The following C1QTNF5 variants were observed in gnomAD, a reference collection of about 807,000 sequenced individuals.
C1QTNF5 encodes the protein complement C1q tumor necrosis factor-related protein 5.
In C1QTNF5, 5 loss-of-function variants were observed where a neutral mutation model predicts 10.9. The observed-to-expected ratio is 0.46, with a 90% CI of 0.24 to 0.97. The LOEUF (loss-of-function observed/expected upper bound fraction) is 0.97, where lower values mean the gene tolerates loss of function less well. C1QTNF5 is among the 50% of genes least tolerant of loss of function. C1QTNF5 has a pLI of 0.19. For missense variants in C1QTNF5, 281 were observed against 339.4 expected (o/e 0.83, Z 1.35); for synonymous variants, 161 against 156.5 (o/e 1.03, Z -0.22).
chr11:119,344,087 G>T, upstream of C1QTNF5: 1 of 1,329,398 alleles, frequency 7.5e-7, no homozygotes, highest in Non-Finnish European at 1.1e-6. Context: ...ATCATTGGTG[G>T]TTCTTAAGGA....
chr11:119,340,700 C>T lies in C1QTNF5; in HGVS notation c.-49G>A, dbSNP rs565257458. On this transcript the variant is annotated 5_prime_UTR_variant, in exon 1 of 3. Transcript: ENST00000528368. ...CCCTCCTCCGCCAGACTCACCCCCC[C>T]TCCCGGCTCCCCGATGGCCTCCTTC... The T allele has an allele frequency of 3.0e-5, 13 of 429,584 alleles. 1 individual carries two copies. Among genetic ancestry groups the T allele is most frequent in the South Asian group, 8.1e-5 (3 of 37,018 alleles). 26.6% of individuals were successfully genotyped at this position (429,584 alleles called of 1,614,324 possible). A position where few individuals can be genotyped will look rare whatever the true frequency, so the allele number is the denominator to read the frequency against.
At chr11:119,344,867 C>T, upstream of C1QTNF5, 2 of 1,613,274 alleles carry the variant, frequency 1.2e-6, no homozygotes, top group Non-Finnish European at 1.7e-6. Flanking sequence ...GGTGGGAACA[C>T]ACTCACCGCG....
upstream of C1QTNF5, among the ~76,000 whole-genome samples, chr11:119,345,245 G>A (rs1410897811): frequency 5.3e-5 from 8 of 152,226 alleles, no homozygotes; most frequent in Admixed American, 2.6e-4. Context: ...AAACAGGTGA[G>A]AGAGGGGAAG....
At chr11:119,346,647 C>T in the C1QTNF5 span, 1 of 877,884 alleles carries the variant, frequency 1.1e-6, no homozygotes, top group South Asian at 1.4e-5. Flanking sequence ...CAGGCTAGAC[C>T]AGTTCTTGGG....
At chr11:119,345,025 G>A (rs1218729973), upstream of C1QTNF5, 3 of 1,596,112 alleles carry the variant, frequency 1.9e-6, no homozygotes, top group East Asian at 4.5e-5. Flanking sequence ...CCAGGTTGGG[G>A]GTGAGGGAGG....
At chr11:119,345,282 G>A (rs903700220), upstream of C1QTNF5, 4 of 904,640 alleles carry the variant, frequency 4.4e-6, no homozygotes, top group Non-Finnish European at 6.9e-6. Flanking sequence ...ACACAGCAAG[G>A]TGGTGGCAGA....
upstream of C1QTNF5, chr11:119,345,778 T>C (rs575618592): frequency 2.5e-6 from 4 of 1,613,582 alleles, no homozygotes; most frequent in South Asian, 2.2e-5. Flanking sequence ...CTCACTGGAC[T>C]GTGGGGAGGG....
rs1355527705 is a variant in C1QTNF5, at chr11:119,340,360, G to T, written c.38C>A (p.Ala13Glu). ...PLLVLLLLGLAAGSPPLDDNK... is the reference protein window; with the variant it reads ...PLLVLLLLGLEAGSPPLDDNK... The stretch of plus-strand genomic sequence containing the variant: ...GTCGTCCAGTGGGGGCGAGCCGGCC[G>T]CCAGGCCCAGGAGCAGCAGGACGAG... The change falls in exon 2 of 3, where the codon GCG (alanine) becomes GAG (glutamate). Residue 13 changes from alanine to glutamate, a missense_variant. Physicochemically the swap from Ala to Glu is moderately radical, Grantham distance 107. Transcript: ENST00000528368. The T allele has an allele frequency of 2.6e-6, 4 of 1,543,680 alleles. No individual in the cohort carries two copies. Among genetic ancestry groups the T allele is most frequent in the African/African-American group, 1.4e-5 (1 of 72,390 alleles).
At chr11:119,343,812 G>A (rs369064289), upstream of C1QTNF5, 2 of 1,613,760 alleles carry the variant, frequency 1.2e-6, no homozygotes, top group African/African-American at 2.7e-5. Context: ...CCTGGCTCCT[G>A]TACCTGCCCA....
upstream of C1QTNF5, chr11:119,344,266 G>C: frequency 6.5e-7 from 1 of 1,544,004 alleles, no homozygotes; most frequent in Non-Finnish European, 9.0e-7. Flanking sequence ...TTGGGGATCA[G>C]GTGCTTCCGT....
chr11:119,343,759 C>T (rs767092949), upstream of C1QTNF5: 320 of 1,607,580 alleles, frequency 2.0e-4, no homozygotes, highest in East Asian at 5.8e-4. Context: ...ACATGGAAGC[C>T]GGGGGTGGCA....
chr11:119,342,446 C>G, upstream of C1QTNF5: 1 of 978,840 alleles, frequency 1.0e-6, no homozygotes. Context: ...TCTTCCAGGA[C>G]TCTGTGAAGT....
At chr11:119,346,174 G>A in the C1QTNF5 span, 2 of 1,577,686 alleles carry the variant, frequency 1.3e-6, no homozygotes, top group African/African-American at 1.3e-5. Context: ...GGGTTGGCAG[G>A]TGGGGTTTTG....
chr11:119,344,873 C>A, upstream of C1QTNF5: 1 of 1,613,272 alleles, frequency 6.2e-7, no homozygotes. Context: ...AACACACTCA[C>A]CGCGCCCAGG....
chr11:119,343,179 C>T (rs757045127), upstream of C1QTNF5, among the ~76,000 whole-genome samples: 2 of 152,234 alleles, frequency 1.3e-5, no homozygotes, highest in Admixed American at 6.5e-5. Flanking sequence ...AAGCATTAAA[C>T]AAACTGTCTG....
At chr11:119,341,807 C>A, upstream of C1QTNF5, 1 of 1,613,516 alleles carries the variant, frequency 6.2e-7, no homozygotes. Context: ...GCACCTGCTC[C>A]CAGGCTCCTC....
chr11:119,340,265 C>T lies in C1QTNF5; in HGVS notation c.133G>A (p.Gly45Ser), dbSNP rs1950488484. Residue 45 changes from glycine (G) to serine (S), a missense_variant, in exon 2 of 3, where the codon GGC becomes AGC. By Grantham distance (56) the Gly-to-Ser change is moderately conservative (BLOSUM62 0). Transcript: ENST00000528368. ...TCGCGGCCATCGCGGCCCGGCAAGC[C>T]CTGGCTGCCATGGTGGCCCGGCGTG... is the stretch of plus-strand genomic sequence containing the variant. ...PGTPGHHGSQ[G>S]LPGRDGRDGR... The T allele has an allele frequency of 2.0e-6, 3 of 1,526,612 alleles. No homozygotes were observed. The African/African-American group carries it at 4.3e-5, about 22-fold the overall frequency. 94.6% of individuals were successfully genotyped at this position (1,526,612 alleles called of 1,614,324 possible). A position where few individuals can be genotyped will look rare whatever the true frequency, so the allele number is the denominator to read the frequency against.
In C1QTNF5 at chr11:119,340,337, C is replaced by A. The variant is rs1178933033; in HGVS notation, c.61G>T (p.Asp21Tyr). ...GGGCAGAGGCTGGGGATCTTGTTGT[C>A]GTCCAGTGGGGGCGAGCCGGCCGCC... is the stretch of plus-strand genomic sequence containing the variant. Reference protein sequence around the residue: ...GLAAGSPPLDDNKIPSLCPGH... With the variant: ...GLAAGSPPLDYNKIPSLCPGH... The change falls in exon 2 of 3, where the codon GAC (aspartate) becomes TAC (tyrosine). Residue 21 changes from aspartate (D) to tyrosine (Y), a missense_variant. Coordinates refer to ENST00000528368, the MANE Select transcript of C1QTNF5 (RefSeq NM_001278431.2). 1.9e-6 allele frequency: 3 copies of A among 1,543,410 alleles called. No individual in the cohort carries two copies. The East Asian group carries it at 7.4e-5, about 38-fold the overall frequency.
At chr11:119,345,634 C>G (rs1216617268), upstream of C1QTNF5, 1 of 1,613,544 alleles carries the variant, frequency 6.2e-7, no homozygotes, top group Admixed American at 1.7e-5. Flanking sequence ...CCTCCACAGG[C>G]TGCAGAGATG....
Sources: allele counts gnomAD v4.1 joint callset (sites outside exome capture counted in the v4.1 genomes callset), GRCh38; gene constraint gnomAD v4.1.1; transcripts MANE v1.5; gene names NCBI Gene and HGNC (gene_info 2026-07-23, HGNC 2026-07-21).